The following CLEC16A variants were observed in gnomAD, a reference collection of about 807,000 sequenced individuals.
The protein encoded by CLEC16A is protein CLEC16A.
CLEC16A carries 51 observed loss-of-function variants against 109.5 expected under a neutral mutation model. That is an observed-to-expected ratio of 0.47 (90% confidence interval 0.37 to 0.59). CLEC16A has a LOEUF of 0.59. CLEC16A is among the 20% of genes least tolerant of loss of function. The probability of loss-of-function intolerance (pLI) is 0.00; values close to 1 mark genes in which losing one functional copy is unlikely to be tolerated. For synonymous variants in CLEC16A, 673 were observed against 564.2 expected (o/e 1.19, Z -2.73); for missense variants, 1,339 against 1,394.0 (o/e 0.96, Z 0.63).
intron 22 of CLEC16A, chr16:11,156,609 T>G (rs2054532344): frequency 7.7e-7 from 1 of 1,304,278 alleles, no homozygotes; most frequent in South Asian, 1.2e-5. Context: ...GCAGCCCAGA[T>G]GGCCGCTCCC....
At chr16:10,984,053 A>G (rs2043481927) in intron 10 of CLEC16A, among the ~76,000 whole-genome samples, 1 of 152,126 alleles carries the variant, frequency 6.6e-6, no homozygotes, top group South Asian at 2.1e-4. Context: ...GGGCTGTTTC[A>G]TAAAGGTTTC....
At chr16:11,125,612 C>T (rs748575142) in intron 21 of CLEC16A, among the ~76,000 whole-genome samples, 1 of 152,250 alleles carries the variant, frequency 6.6e-6, no homozygotes, top group Non-Finnish European at 1.5e-5. Context: ...TGGGCAGACT[C>T]GGCCCCACTC....
intron 17 of CLEC16A, among the ~76,000 whole-genome samples, chr16:11,051,059 G>A (rs1450937076): frequency 6.6e-6 from 1 of 152,240 alleles, no homozygotes; most frequent in South Asian, 2.1e-4. Flanking sequence ...TTAGGTCACA[G>A]CTTGCAGCGG....
intron 20 of CLEC16A, 35 bp downstream of exon 20, chr16:11,120,801 G>A (rs1419692947): frequency 2.8e-6 from 4 of 1,448,390 alleles, no homozygotes; most frequent in Non-Finnish European, 2.7e-6. Context: ...TCTGTTCTCA[G>A]TTGGCTACAA....
At chr16:11,001,661 C>G (rs938249105) in intron 10 of CLEC16A, among the ~76,000 whole-genome samples, 3 of 152,134 alleles carry the variant, frequency 2.0e-5, no homozygotes, top group African/African-American at 4.8e-5. Flanking sequence ...ACAGTTGACA[C>G]TAGCCTCATT....
chr16:11,171,601 C>T (rs576920156), intron 23 of CLEC16A, among the ~76,000 whole-genome samples: 1 of 152,346 alleles, frequency 6.6e-6, no homozygotes, highest in South Asian at 2.1e-4. Flanking sequence ...GGGTTGGAAT[C>T]AGCATTTTTT....
At chr16:10,990,844 A>G (rs1167540581) in intron 10 of CLEC16A, among the ~76,000 whole-genome samples, 2 of 152,200 alleles carry the variant, frequency 1.3e-5, no homozygotes, top group Non-Finnish European at 1.5e-5. Context: ...CAAATGAGGT[A>G]CATGCCACTT....
At position 11,172,308 on chromosome 16, in the gene CLEC16A, A is replaced by G. The variant is rs562642689; in HGVS notation, c.2806+5756A>G. ...CCTGCACCTACACATACACACTCACACATAGATGCACACAGTCACATACAC... is the reference window on the plus strand; with the variant it reads ...CCTGCACCTACACATACACACTCACGCATAGATGCACACAGTCACATACAC... On this transcript the variant is annotated intron_variant, in intron 23 of 23. Transcript: ENST00000409790. Among the ~76,000 whole-genome samples the G allele has an allele frequency of 2.4e-4, 37 of 152,312 alleles. No individual in the cohort carries two copies. The Middle Eastern group carries it at 0.01, about 42-fold the overall frequency.
chr16:11,049,427 T>A (rs1044614395), intron 17 of CLEC16A, among the ~76,000 whole-genome samples: 1 of 152,224 alleles, frequency 6.6e-6, no homozygotes, highest in Non-Finnish European at 1.5e-5. Flanking sequence ...CATGGGTCTA[T>A]ACACAACAAA....
At chr16:11,098,973 A>C (rs947968901) in intron 19 of CLEC16A, among the ~76,000 whole-genome samples, 9 of 152,226 alleles carry the variant, frequency 5.9e-5, no homozygotes, top group African/African-American at 2.2e-4. Context: ...GTGGCACCCC[A>C]TGCCCATTGA....
At chr16:10,965,741 C>T (rs374634704) in intron 3 of CLEC16A, among the ~76,000 whole-genome samples, 9 of 152,316 alleles carry the variant, frequency 5.9e-5, no homozygotes, top group African/African-American at 2.2e-4. Flanking sequence ...AGAAAGTCAG[C>T]CACACAGTGA....
chr16:11,013,915 G>T (rs2045587553), intron 11 of CLEC16A, among the ~76,000 whole-genome samples: 1 of 152,044 alleles, frequency 6.6e-6, no homozygotes, highest in Non-Finnish European at 1.5e-5. Context: ...CTCCAGCCTG[G>T]GCAACAGAGT....
intron 22 of CLEC16A, 86 bp downstream of exon 22, chr16:11,126,232 G>T: frequency 6.3e-7 from 1 of 1,582,970 alleles, no homozygotes; most frequent in South Asian, 1.1e-5. Context: ...TGTGTGAGCT[G>T]CCCTTCCTCT....
At chr16:11,004,152 A>G (rs1017222333) in intron 11 of CLEC16A, among the ~76,000 whole-genome samples, 4 of 151,918 alleles carry the variant, frequency 2.6e-5, no homozygotes, top group Admixed American at 6.5e-5. Context: ...CTTTTTGGGA[A>G]TTCTGGTCAA....
chr16:11,053,095 TACC>T (rs1370174101), intron 18 of CLEC16A, among the ~76,000 whole-genome samples: 3 of 152,212 alleles, frequency 2.0e-5, no homozygotes, highest in Non-Finnish European at 4.4e-5. Flanking sequence ...CTTGCTAAGT[TACC>T]CAAGTTAGCC....
At chr16:11,134,600 G>A (rs760896084) in intron 22 of CLEC16A, among the ~76,000 whole-genome samples, 3 of 152,114 alleles carry the variant, frequency 2.0e-5, no homozygotes, top group Non-Finnish European at 2.9e-5. Context: ...TGGATTTGGG[G>A]GAATTTTGGA....
At chr16:11,003,892 G>T (rs1388557083) in intron 11 of CLEC16A, among the ~76,000 whole-genome samples, 2 of 151,236 alleles carry the variant, frequency 1.3e-5, no homozygotes, top group Non-Finnish European at 2.9e-5. Flanking sequence ...CCAGCACTTT[G>T]GGAAGCCAAG....
At chr16:11,150,370 A>G (rs1385774919) in intron 22 of CLEC16A, 2 of 152,234 alleles carry the variant, frequency 1.3e-5, no homozygotes, top group Non-Finnish European at 2.9e-5. Context: ...AATCTGTGTT[A>G]GCACTTACAG....
At chr16:11,097,593 G>C (rs1453733665) in intron 19 of CLEC16A, among the ~76,000 whole-genome samples, 1 of 152,090 alleles carries the variant, frequency 6.6e-6, no homozygotes, top group East Asian at 1.9e-4. Flanking sequence ...AACTCCCGGG[G>C]ATGTTATGAG....
Sources: allele counts gnomAD v4.1 joint callset (sites outside exome capture counted in the v4.1 genomes callset), GRCh38; gene constraint gnomAD v4.1.1; transcripts MANE v1.5; gene names NCBI Gene and HGNC (gene_info 2026-07-23, HGNC 2026-07-21).